The following CEP112 variants were observed in gnomAD, a reference collection of about 807,000 sequenced individuals.
CEP112 encodes centrosomal protein of 112 kDa.
CEP112 carries 127 observed loss-of-function variants against 153.0 expected under a neutral mutation model. The ratio of observed to expected loss-of-function variants is 0.83; its 90% CI spans 0.72 to 0.96. The LOEUF is 0.96. Among genes scored for constraint, CEP112 ranks in the 40% least tolerant of loss-of-function variants. The pLI is 0.00. For missense variants in CEP112, 1,089 were observed against 1,101.2 expected (o/e 0.99, Z 0.16); for synonymous variants, 358 against 374.4 (o/e 0.96, Z 0.51).
intron 6 of CEP112, among the ~76,000 whole-genome samples, chr17:66,119,215 G>C (rs1052348183): frequency 6.6e-6 from 1 of 152,140 alleles, no homozygotes; most frequent in African/African-American, 2.4e-5. Context: ...GGGTTGTGGG[G>C]AGAGCATTAG....
chr17:66,141,055 T>C (rs763118159), intron 4 of CEP112, among the ~76,000 whole-genome samples: 1 of 152,170 alleles, frequency 6.6e-6, no homozygotes, highest in Non-Finnish European at 1.5e-5. Flanking sequence ...GAATTCATAT[T>C]ATCTCTGTAT....
At chr17:66,142,061 A>G (rs2070724417) in intron 4 of CEP112, among the ~76,000 whole-genome samples, 1 of 152,124 alleles carries the variant, frequency 6.6e-6, no homozygotes, top group African/African-American at 2.4e-5. Flanking sequence ...TGTCTTTTTG[A>G]TAATAGTCAT....
rs1264760765 is a variant in CEP112, at chr17:65,937,450, G to A, written c.1873-9761C>T. ...CACCGCCCCGTCTGGGAGGTGAGGAGCGTCTCTGCCCGGCCGCCCCGTCTG... is the reference window on the plus strand; with the variant it reads ...CACCGCCCCGTCTGGGAGGTGAGGAACGTCTCTGCCCGGCCGCCCCGTCTG... On this transcript the variant is annotated intron_variant, in intron 18 of 26. Transcript: ENST00000535342. 6.7e-3 allele frequency among the ~76,000 whole-genome samples: 686 copies of A among 101,826 alleles called. 1 individual carries two copies. Among genetic ancestry groups the A allele is most frequent in the African/African-American group, 0.013 (374 of 29,144 alleles). 66.8% of individuals were successfully genotyped at this position (101,826 alleles called of 152,430 possible).
chr17:65,883,802 T>C (rs976803452), intron 20 of CEP112, among the ~76,000 whole-genome samples: 3 of 152,216 alleles, frequency 2.0e-5, no homozygotes, highest in Non-Finnish European at 2.9e-5. Flanking sequence ...TTATCAGTTA[T>C]AAGATTACAT....
intron 24 of CEP112, among the ~76,000 whole-genome samples, chr17:65,666,638 C>A (rs555828250): frequency 6.6e-6 from 1 of 152,116 alleles, no homozygotes; most frequent in Non-Finnish European, 1.5e-5. Context: ...AAGGACAGAG[C>A]CACTTTAAAG....
chr17:65,728,091 G>C (rs773419228), intron 23 of CEP112, among the ~76,000 whole-genome samples: 2 of 152,202 alleles, frequency 1.3e-5, no homozygotes, highest in Admixed American at 6.5e-5. Context: ...CTGCTCTCAG[G>C]CCACAACGTT....
chr17:66,156,671 T>C (rs1417556360), intron 4 of CEP112, among the ~76,000 whole-genome samples: 2 of 151,976 alleles, frequency 1.3e-5, no homozygotes, highest in Non-Finnish European at 2.9e-5. Flanking sequence ...GAATAACCAG[T>C]TTAGAGAAGA....
chr17:65,711,537 T>C (rs1326122918), intron 23 of CEP112, among the ~76,000 whole-genome samples: 1 of 152,220 alleles, frequency 6.6e-6, no homozygotes, highest in Non-Finnish European at 1.5e-5. Context: ...ATATGTTATA[T>C]ATCACACTTT....
At chr17:65,948,668 G>A (rs1026866943) in intron 18 of CEP112, among the ~76,000 whole-genome samples, 1 of 151,250 alleles carries the variant, frequency 6.6e-6, no homozygotes, top group Non-Finnish European at 1.5e-5. Context: ...TAGTTGCTGA[G>A]AGCTAAACTG....
At chr17:65,921,641 TG>T (rs1396772991) in intron 19 of CEP112, among the ~76,000 whole-genome samples, 1 of 152,126 alleles carries the variant, frequency 6.6e-6, no homozygotes, top group Non-Finnish European at 1.5e-5. Context: ...GAGGTACGCT[TG>T]TGTGTGTTTT....
At chr17:65,961,053 C>G (rs918002138) in intron 18 of CEP112, among the ~76,000 whole-genome samples, 2 of 151,122 alleles carry the variant, frequency 1.3e-5, no homozygotes, top group Non-Finnish European at 2.9e-5. Flanking sequence ...TTGGAGACAG[C>G]CTTTGTTCTT....
At chr17:66,177,769 T>A (rs1203350612) in intron 2 of CEP112, among the ~76,000 whole-genome samples, 1 of 151,754 alleles carries the variant, frequency 6.6e-6, no homozygotes, top group African/African-American at 2.4e-5. Flanking sequence ...ATGAGTTCAG[T>A]TGTCTTAATT....
At chr17:65,912,731 G>A (rs913965562) in intron 19 of CEP112, among the ~76,000 whole-genome samples, 3 of 152,124 alleles carry the variant, frequency 2.0e-5, no homozygotes, top group Admixed American at 2.0e-4. Context: ...ATTGTAAACT[G>A]TATCCAAAAT....
At chr17:66,110,337 G>GA (rs909158259) in intron 6 of CEP112, among the ~76,000 whole-genome samples, 16 of 104,336 alleles carry the variant, frequency 1.5e-4, no homozygotes, top group Middle Eastern at 5.0e-3. Context: ...GCTCAAAAAA[G>GA]AAAAAAAAAA....
intron 20 of CEP112, chr17:65,873,066 C>T (rs1215354710): frequency 1.3e-5 from 2 of 152,152 alleles, no homozygotes; most frequent in African/African-American, 4.8e-5. Context: ...TCCTCTCTGT[C>T]CCATGCAACT....
intron 17 of CEP112, among the ~76,000 whole-genome samples, chr17:65,964,150 G>T (rs1304616040): frequency 6.6e-6 from 1 of 152,170 alleles, no homozygotes; most frequent in East Asian, 1.9e-4. Flanking sequence ...TTAATGAACT[G>T]GGACCTGGGT....
intron 12 of CEP112, among the ~76,000 whole-genome samples, chr17:66,035,003 TATATA>T (rs1172240266): frequency 1.3e-4 from 15 of 114,300 alleles, no homozygotes; most frequent in South Asian, 4.0e-4. Context: ...CATATATATA[TATATA>T]TTTTTTTTTT....
intron 23 of CEP112, among the ~76,000 whole-genome samples, chr17:65,724,241 G>C (rs746010074): frequency 3.3e-5 from 5 of 152,130 alleles, no homozygotes; most frequent in Non-Finnish European, 5.9e-5. Context: ...TGGTCTTTTT[G>C]GGTGGCAGGA....
chr17:66,162,456 A>T (rs2071754056), intron 4 of CEP112, among the ~76,000 whole-genome samples: 1 of 152,214 alleles, frequency 6.6e-6, no homozygotes, highest in Non-Finnish European at 1.5e-5. Context: ...ACACTCAAAA[A>T]AATGTGTATA....
Sources: allele counts gnomAD v4.1 joint callset (sites outside exome capture counted in the v4.1 genomes callset), GRCh38; gene constraint gnomAD v4.1.1; transcripts MANE v1.5; gene names NCBI Gene and HGNC (gene_info 2026-07-23, HGNC 2026-07-21).